Variants in CTNNA3 observed in about 807,000 individuals in gnomAD.
CTNNA3 encodes the protein catenin alpha 3, also known as catenin alpha-3.
CTNNA3 carries 76 observed loss-of-function variants against 95.7 expected under a neutral mutation model. The observed-to-expected ratio is 0.79, with a 90% CI of 0.66 to 0.96. CTNNA3 has a LOEUF of 0.96. CTNNA3 is among the 40% of genes least tolerant of loss of function. The probability of loss-of-function intolerance (pLI) is 0.00; values close to 1 mark genes in which losing one functional copy is unlikely to be tolerated. For synonymous variants in CTNNA3, 431 were observed against 374.4 expected (o/e 1.15, Z -1.74); for missense variants, 1,191 against 1,089.8 (o/e 1.09, Z -1.31).
At chr10:66,362,000 G>C (rs79498830) in intron 12 of CTNNA3, among the ~76,000 whole-genome samples, 4,377 of 151,462 alleles carry the variant, frequency 0.029, 189 homozygotes, top group African/African-American at 0.098. Context: ...TATCAGAAAA[G>C]ATCTGTGTGA....
Position 66,150,539 on chromosome 10 carries a change from G to A in CTNNA3, c.1885-47290C>T, listed in dbSNP as rs189880286. Among the ~76,000 whole-genome samples the A allele has an allele frequency of 3.1e-3, 469 of 151,126 alleles. 8 individuals are homozygous for A. The highest frequency in any genetic ancestry group is 0.011 in the African/African-American group (448 of 41,220). ...ATATATAATAGTCATACATATTTAT[G>A]GGCTACATGTAATATTTTGATACCA... On this transcript the variant is annotated intron_variant, in intron 13 of 17. Transcript: ENST00000433211.
chr10:66,211,983 GTTTTTTT>G (rs61453326), intron 13 of CTNNA3, among the ~76,000 whole-genome samples: 2 of 95,012 alleles, frequency 2.1e-5, no homozygotes, highest in African/African-American at 4.5e-5. Context: ...TTGTTTTTGG[GTTTTTTT>G]TTTTTTTTTT....
rs576928643 is a variant in CTNNA3 at position 67,389,422 on chromosome 10, T to C, written c.579+132420A>G. 1.8e-4 allele frequency among the ~76,000 whole-genome samples: 27 copies of C among 151,356 alleles called. 1 individual carries two copies. In the South Asian group the frequency reaches 5.6e-3, roughly 32 times the overall value. On this transcript the variant is annotated intron_variant, in intron 5 of 17. Coordinates refer to ENST00000433211, the MANE Select transcript of CTNNA3 (RefSeq NM_013266.4). Reference sequence around the variant, plus strand: ...CCAGATTCATAAAGCAAGTCCTGAGTGACCTACAAAGAGACTTAGACTCCC... The same window carrying C: ...CCAGATTCATAAAGCAAGTCCTGAGCGACCTACAAAGAGACTTAGACTCCC...
chr10:66,108,162 C>T (rs999828878), intron 13 of CTNNA3, among the ~76,000 whole-genome samples: 1 of 152,044 alleles, frequency 6.6e-6, no homozygotes, highest in African/African-American at 2.4e-5. Context: ...AATTAAAATA[C>T]ATTTAAAAAA....
chr10:66,512,816 A>T (rs1333454239), intron 11 of CTNNA3, among the ~76,000 whole-genome samples: 1 of 152,078 alleles, frequency 6.6e-6, no homozygotes, highest in African/African-American at 2.4e-5. Flanking sequence ...TATTCCAGCA[A>T]TCTGAATATA....
At chr10:66,882,726 G>A in intron 7 of CTNNA3, among the ~76,000 whole-genome samples, 1 of 152,034 alleles carries the variant, frequency 6.6e-6, no homozygotes, top group Non-Finnish European at 1.5e-5. Flanking sequence ...AATAAAATTA[G>A]AAGCTACAGA....
chr10:67,621,261 T>G (rs1843835773), intron 2 of CTNNA3, among the ~76,000 whole-genome samples: 1 of 152,122 alleles, frequency 6.6e-6, no homozygotes, highest in Non-Finnish European at 1.5e-5. Context: ...TAACAGAATC[T>G]CAACAATAAC....
intron 11 of CTNNA3, among the ~76,000 whole-genome samples, chr10:66,391,728 C>G (rs570534938): frequency 6.6e-6 from 1 of 152,140 alleles, no homozygotes; most frequent in African/African-American, 2.4e-5. Flanking sequence ...TTTTATTGAA[C>G]CATTCTTTAT....
chr10:67,760,964 A>G (rs1220625645), intron 1 of CTNNA3, among the ~76,000 whole-genome samples: 1 of 152,218 alleles, frequency 6.6e-6, no homozygotes, highest in African/African-American at 2.4e-5. Context: ...TGCACAATAA[A>G]TGTAATGTGC....
chr10:66,876,540 G>A (rs1399283585), intron 7 of CTNNA3, among the ~76,000 whole-genome samples: 1 of 151,980 alleles, frequency 6.6e-6, no homozygotes, highest in African/African-American at 2.4e-5. Flanking sequence ...ATGTAATGTG[G>A]ATATATCCTT....
intron 1 of CTNNA3, among the ~76,000 whole-genome samples, chr10:67,723,693 T>C (rs1007915215): frequency 6.6e-6 from 1 of 152,194 alleles, no homozygotes; most frequent in Non-Finnish European, 1.5e-5. Flanking sequence ...TTTCAAAACA[T>C]AAAGTATCCT....
At chr10:67,452,484 A>C (rs1401982641) in intron 5 of CTNNA3, among the ~76,000 whole-genome samples, 1 of 152,222 alleles carries the variant, frequency 6.6e-6, no homozygotes, top group Non-Finnish European at 1.5e-5. Context: ...ATTAAACATT[A>C]CTCATAAGAT....
intron 13 of CTNNA3, among the ~76,000 whole-genome samples, chr10:66,189,613 T>TACAC (rs1564745310): frequency 1.7e-5 from 2 of 116,838 alleles, no homozygotes; most frequent in African/African-American, 6.9e-5. Flanking sequence ...TATATATATA[T>TACAC]ATATACACAC....
upstream of CTNNA3, among the ~76,000 whole-genome samples, chr10:67,697,512 C>G (rs906274179): frequency 2.0e-5 from 3 of 152,168 alleles, no homozygotes; most frequent in Non-Finnish European, 2.9e-5. Flanking sequence ...CAATAAGTTA[C>G]TTACCTGCCC....
intron 7 of CTNNA3, among the ~76,000 whole-genome samples, chr10:67,018,048 A>C (rs1852771774): frequency 6.6e-6 from 1 of 152,192 alleles, no homozygotes; most frequent in African/African-American, 2.4e-5. Flanking sequence ...CTGGGATTAC[A>C]GGTGTGAGCC....
At chr10:67,610,469 T>G (rs576972570) in intron 2 of CTNNA3, among the ~76,000 whole-genome samples, 3 of 152,340 alleles carry the variant, frequency 2.0e-5, no homozygotes, top group South Asian at 2.1e-4. Context: ...TCCTTTTATT[T>G]CAGAAAGTAA....
At chr10:67,337,435 G>C (rs1294796165) in intron 5 of CTNNA3, among the ~76,000 whole-genome samples, 1 of 152,208 alleles carries the variant, frequency 6.6e-6, no homozygotes, top group Non-Finnish European at 1.5e-5. Context: ...GTAGTTTCTT[G>C]AGATGGAATC....
chr10:66,293,761 G>A (rs921432855), intron 12 of CTNNA3, among the ~76,000 whole-genome samples: 2 of 151,386 alleles, frequency 1.3e-5, no homozygotes, highest in Non-Finnish European at 2.9e-5. Context: ...CGCCTCCAGG[G>A]TTCAAACAAT....
intron 7 of CTNNA3, among the ~76,000 whole-genome samples, chr10:66,897,959 C>G (rs1472763793): frequency 1.3e-5 from 2 of 151,994 alleles, no homozygotes; most frequent in African/African-American, 2.4e-5. Context: ...CTGGTCAGGT[C>G]AGAAAATATA....
Sources: allele counts gnomAD v4.1 joint callset (sites outside exome capture counted in the v4.1 genomes callset), GRCh38; gene constraint gnomAD v4.1.1; transcripts MANE v1.5; gene names NCBI Gene and HGNC (gene_info 2026-07-23, HGNC 2026-07-21).